The following KRT75 variants were observed in gnomAD, a reference collection of about 807,000 sequenced individuals.
The protein encoded by KRT75 is keratin, type II cytoskeletal 75.
Under a neutral mutation model 48.8 loss-of-function variants are expected in KRT75, and 35 were observed. The observed-to-expected ratio is 0.72, with a 90% CI of 0.55 to 0.95. The LOEUF is 0.95. KRT75 is among the 40% of genes least tolerant of loss of function. The pLI is 0.00. For synonymous variants in KRT75, 301 were observed against 282.3 expected (o/e 1.07, Z -0.66); for missense variants, 776 against 709.9 (o/e 1.09, Z -1.06).
intron 2 of KRT75, among the ~76,000 whole-genome samples, 175 bp downstream of exon 2, chr12:52,432,863 C>A (rs1159078216): frequency 6.6e-6 from 1 of 152,216 alleles, no homozygotes; most frequent in African/African-American, 2.4e-5. Context: ...TAGCAATACA[C>A]AAGATGAAGG....
intron 5 of KRT75, among the ~76,000 whole-genome samples, chr12:52,429,547 G>T (rs1565792183): frequency 6.6e-6 from 1 of 152,196 alleles, no homozygotes; most frequent in Non-Finnish European, 1.5e-5. Context: ...TCTTGAAAGT[G>T]CTGAATAGCT....
chr12:52,431,029 A>G (rs1345399677), intron 4 of KRT75, among the ~76,000 whole-genome samples: 1 of 152,080 alleles, frequency 6.6e-6, no homozygotes, highest in African/African-American at 2.4e-5. Context: ...AGCATTGGGG[A>G]CATCTGGGAC....
intron 1 of KRT75, 113 bp from the exon 2 acceptor site, chr12:52,433,365 C>T: frequency 1.0e-6 from 1 of 972,928 alleles, no homozygotes; most frequent in South Asian, 1.4e-5. Context: ...CACCCATTGA[C>T]AATAATGTAA....
intron 7 of KRT75, chr12:52,428,021 T>A: frequency 3.5e-6 from 2 of 572,216 alleles, no homozygotes; most frequent in South Asian, 4.1e-5. Flanking sequence ...TAGAATTCAG[T>A]TACTTAGACC....
At chr12:52,433,775 A>G (rs1358341219) in intron 1 of KRT75, 32 bp downstream of exon 1, 7 of 1,613,696 alleles carry the variant, frequency 4.3e-6, no homozygotes, top group Non-Finnish European at 5.9e-6. Flanking sequence ...TTTGATCCCA[A>G]ACCCAAGGGG....
chr12:52,428,357 C>CAT lies in KRT75; in HGVS notation c.1279_1280dup (p.Met427IlefsTer12). The CAT allele has an allele frequency of 6.2e-7, 1 of 1,614,178 alleles. No individual in the cohort carries two copies. The highest frequency in any genetic ancestry group is 8.5e-7 in the Non-Finnish European group (1 of 1,180,030). On this transcript the variant is annotated frameshift_variant, in exon 7 of 9. Coordinates refer to ENST00000252245, the MANE Select transcript of KRT75 (RefSeq NM_004693.3). LOFTEE classifies it high-confidence loss of function. ...CCTGGTACTCACGCAGGAGCCGAGC[C>CAT]ATGTCCTGCTTGGCCTTCTGCAGGG...
chr12:52,430,400 G>C (rs1490684047), intron 5 of KRT75, 141 bp downstream of exon 5: 6 of 901,748 alleles, frequency 6.7e-6, no homozygotes, highest in South Asian at 1.4e-5. Flanking sequence ...TTCAAGCTAA[G>C]TTGTCATAGC....
chr12:52,431,770 T>C, intron 3 of KRT75, 132 bp from the exon 4 acceptor site: 2 of 820,338 alleles, frequency 2.4e-6, no homozygotes, highest in South Asian at 3.1e-5. Context: ...TGATTTGGGG[T>C]TGGGGATGGG....
intron 5 of KRT75, among the ~76,000 whole-genome samples, 167 bp downstream of exon 5, chr12:52,430,374 C>T (rs764026149): frequency 3.3e-5 from 5 of 151,982 alleles, no homozygotes; most frequent in East Asian, 1.9e-4. Context: ...GTGTCTGGTT[C>T]GGTTTCCACA....
At chr12:52,425,060 G>T (rs1326813536) in intron 8 of KRT75, among the ~76,000 whole-genome samples, 1 of 152,114 alleles carries the variant, frequency 6.6e-6, no homozygotes, top group Non-Finnish European at 1.5e-5. Context: ...TGCCGTCTGG[G>T]TCTGTCTCCC....
At position 52,430,484 on chromosome 12, in the gene KRT75, T is replaced by C. The variant is rs920089899; in HGVS notation, c.1035+57A>G. On this transcript the variant is annotated intron_variant, in intron 5 of 8. Coordinates refer to ENST00000252245, the MANE Select transcript of KRT75 (RefSeq NM_004693.3). ...TTCCTGAGGCTGAGTTAAGTGATAA[T>C]GTGGAGCCTCAGAGAACACTAACCC... 18 of 1,539,808 alleles carry C rather than the reference T, an allele frequency of 1.2e-5. No homozygotes were observed. In the African/African-American group the frequency reaches 2.2e-4, roughly 19 times the overall value.
Position 52,424,674 on chromosome 12 carries a change from C to T in KRT75, c.1499G>A (p.Ser500Asn). ...ACCACTGGTGGTGAAGGAGTAGCCG[C>T]TGCCCCCACCGAGGCCCAGGTTTCC... ...GGGNLGLGGG[S>N]GYSFTTSGGH... Residue 500 changes from serine to asparagine, a missense_variant, in exon 9 of 9, where the codon AGC becomes AAC. Transcript: ENST00000252245. 6.2e-7 allele frequency: 1 copy of T among 1,614,222 alleles called. No individual in the cohort carries two copies.
chr12:52,431,767 G>T (rs1940147816), intron 3 of KRT75, 129 bp from the exon 4 acceptor site: 5 of 834,032 alleles, frequency 6.0e-6, no homozygotes, highest in Non-Finnish European at 9.9e-6. Context: ...GGGTGATTTG[G>T]GGTTGGGGAT....
At position 52,433,940 on chromosome 12, in the gene KRT75, T is replaced by C. The variant is rs371820522; in HGVS notation, c.365A>G (p.Gln122Arg). The change falls in exon 1 of 9, where the codon CAA becomes CGA. Residue 122 changes from glutamine to arginine, a missense_variant. By Grantham distance (43) the Gln-to-Arg change is conservative. Coordinates refer to ENST00000252245, the MANE Select transcript of KRT75 (RefSeq NM_004693.3). ...GAGACTCTGGTTGACAGTGACCTCT[T>C]GGATGCCTCCAGGGGGACACACGGG... Reference protein sequence around the residue: ...SFPVCPPGGIQEVTVNQSLLT... With the variant: ...SFPVCPPGGIREVTVNQSLLT... 17 of 1,614,170 alleles carry C rather than the reference T, an allele frequency of 1.1e-5. No individual in the cohort carries two copies. The African/African-American group carries it at 2.3e-4, about 22-fold the overall frequency.
rs1345352150 is a variant in KRT75 at position 52,430,580 on chromosome 12, G to T, written c.996C>A (p.Asn332Lys). ...AGGACTCAGCCTCGGCCCGGCTGCG[G>T]TTGGCAATGTCCTCGTATTGTGCTT... Reference protein sequence around the residue: ...EVKAQYEDIANRSRAEAESWY... With the variant: ...EVKAQYEDIAKRSRAEAESWY... Residue 332 changes from asparagine (N) to lysine (K), a missense_variant, in exon 5 of 9, where the codon AAC becomes AAA. By Grantham distance (94) the Asn-to-Lys change is moderately conservative (BLOSUM62 0). Coordinates refer to ENST00000252245, the MANE Select transcript of KRT75 (RefSeq NM_004693.3). The T allele has an allele frequency of 6.2e-7, 1 of 1,614,166 alleles. No individual in the cohort carries two copies.
Position 52,424,305 on chromosome 12 carries a change from T to C in KRT75, c.*212A>G. ...AGCCTTAGGAGAGAGCAGGCTTTGG[T>C]TTCACATGTGTAACAGACGGGTGCT... On this transcript the variant is annotated 3_prime_UTR_variant, in exon 9 of 9. Coordinates refer to ENST00000252245, the MANE Select transcript of KRT75 (RefSeq NM_004693.3). 1 of 675,160 alleles carries C rather than the reference T, an allele frequency of 1.5e-6. No homozygotes were observed. Among genetic ancestry groups the C allele is most frequent in the Non-Finnish European group, 2.7e-6 (1 of 372,532 alleles). 41.8% of individuals were successfully genotyped at this position (675,160 alleles called of 1,614,324 possible). A position where few individuals can be genotyped will look rare whatever the true frequency, so the allele number is the denominator to read the frequency against.
intron 8 of KRT75, among the ~76,000 whole-genome samples, chr12:52,426,479 C>T (rs555445171): frequency 2.0e-5 from 3 of 152,318 alleles, no homozygotes; most frequent in South Asian, 4.1e-4. Flanking sequence ...AAGTGCTCAC[C>T]TCTGTGCTAG....
intron 4 of KRT75, among the ~76,000 whole-genome samples, chr12:52,431,328 A>C (rs1940141659): frequency 6.6e-6 from 1 of 152,092 alleles, no homozygotes; most frequent in African/African-American, 2.4e-5. Context: ...GCCATGGGAT[A>C]AGGGAGTTCG....
chr12:52,430,456 C>G, intron 5 of KRT75, 85 bp downstream of exon 5: 2 of 1,380,534 alleles, frequency 1.4e-6, no homozygotes, highest in Non-Finnish European at 2.1e-6. Context: ...TGTGCTCACA[C>G]GTTTCCTGAG....
Sources: gnomAD v4.1 joint callset for allele counts (sites outside exome capture counted in the v4.1 genomes callset) on GRCh38, gnomAD v4.1.1 for gene constraint, MANE v1.5 for transcripts, NCBI Gene and HGNC (gene_info 2026-07-23, HGNC 2026-07-21) for gene names.